Variants in CRTC3 observed in about 807,000 individuals in gnomAD.
CRTC3 encodes the protein CREB regulated transcription coactivator 3.
In CRTC3, 26 loss-of-function variants were observed where a neutral mutation model predicts 74.5. That is an observed-to-expected ratio of 0.35 (90% CI 0.26 to 0.48). The LOEUF (loss-of-function observed/expected upper bound fraction) is 0.48. CRTC3 is among the 20% of genes least tolerant of loss of function. The pLI, the probability that CRTC3 is intolerant of heterozygous loss-of-function variation, is 0.99. For missense variants in CRTC3, 760 were observed against 787.3 expected (o/e 0.97, Z 0.41); for synonymous variants, 377 against 325.8 (o/e 1.16, Z -1.69).
intron 11 of CRTC3, among the ~76,000 whole-genome samples, chr15:90,631,347 T>G (rs1341645469): frequency 6.6e-6 from 1 of 152,172 alleles, no homozygotes; most frequent in Non-Finnish European, 1.5e-5. Flanking sequence ...CAAGTGATCC[T>G]CCTGCCTCAG....
chr15:90,609,834 G>A (rs1486942717), intron 6 of CRTC3, among the ~76,000 whole-genome samples: 2 of 152,192 alleles, frequency 1.3e-5, no homozygotes, highest in Non-Finnish European at 2.9e-5. Flanking sequence ...AAGAAATCCT[G>A]GATCAGGGTT....
chr15:90,636,711 AAAAC>A (rs572645409), intron 11 of CRTC3, among the ~76,000 whole-genome samples: 3,070 of 152,312 alleles, frequency 0.02, 116 homozygotes, highest in African/African-American at 0.07. Flanking sequence ...TTACAAGAAA[AAAAC>A]AAACAACCCC....
At chr15:90,558,145 G>A (rs553366373) in intron 2 of CRTC3, among the ~76,000 whole-genome samples, 2 of 152,172 alleles carry the variant, frequency 1.3e-5, no homozygotes, top group African/African-American at 4.8e-5. Flanking sequence ...TCCTTGCATT[G>A]TCTCACATCC....
chr15:90,604,845 G>T lies in CRTC3; in HGVS notation c.476+398G>T, dbSNP rs142824528. ...TTTGGGCCAGACTCCAGGAGTAAGA[G>T]TTCTACCTCAGCCATTTTTTTTCAA... On this transcript the variant is annotated intron_variant, in intron 5 of 14. Coordinates refer to ENST00000268184, the MANE Select transcript of CRTC3 (RefSeq NM_022769.5). Among the ~76,000 whole-genome samples the T allele has an allele frequency of 1.4e-3, 218 of 152,272 alleles. 2 individuals carry two copies. The highest frequency in any genetic ancestry group is 5.1e-3 in the African/African-American group (212 of 41,546).
intron 2 of CRTC3, among the ~76,000 whole-genome samples, chr15:90,581,547 A>G (rs1366488917): frequency 6.6e-6 from 1 of 152,194 alleles, no homozygotes; most frequent in Non-Finnish European, 1.5e-5. Flanking sequence ...GCATATATGT[A>G]GAAGTTATTG....
At chr15:90,591,296 CT>C (rs1967795075) in intron 2 of CRTC3, among the ~76,000 whole-genome samples, 2 of 151,618 alleles carry the variant, frequency 1.3e-5, no homozygotes, top group Non-Finnish European at 2.9e-5. Context: ...ATTTTTCTTT[CT>C]TTTGTAGAGA....
chr15:90,537,346 G>A (rs1363266533), intron 1 of CRTC3, among the ~76,000 whole-genome samples: 2 of 152,160 alleles, frequency 1.3e-5, no homozygotes, highest in Non-Finnish European at 2.9e-5. Context: ...CCAACCACAC[G>A]GGAGTTGCAG....
intron 9 of CRTC3, among the ~76,000 whole-genome samples, chr15:90,620,653 C>T: frequency 6.6e-6 from 1 of 151,956 alleles, no homozygotes; most frequent in East Asian, 1.9e-4. Context: ...TGAGAGAGCC[C>T]CAAGGAGGCT....
rs1284971333 is a variant in CRTC3, at chr15:90,641,202, G to A, written c.1651+3G>A. 1 of 1,597,720 alleles carries A rather than the reference G, an allele frequency of 6.3e-7. No individual in the cohort carries two copies. The highest frequency in any genetic ancestry group is 8.6e-7 in the Non-Finnish European group (1 of 1,165,590). On this transcript the variant is annotated splice_donor_region_variant and intron_variant, in intron 14 of 14. Transcript: ENST00000268184. The stretch of plus-strand genomic sequence containing the variant: ...TCTCCCGAACACCATCCTGCCAGGT[G>A]AGCGAGCTATCCCTCAGCTTCTTTA...
At position 90,643,726 on chromosome 15, in the gene CRTC3, GGA is replaced by G. The variant is rs1969531402; in HGVS notation, c.*1588_*1589del. On this transcript the variant is annotated 3_prime_UTR_variant, in exon 15 of 15. Coordinates refer to ENST00000268184, the MANE Select transcript of CRTC3 (RefSeq NM_022769.5). ...TTGAAGGGGGCAGAGCACTGCAGGG[GGA>G]GGGGGGGGTCTAGGCTGTGAGAGGA... 1 of 232,772 alleles carries G rather than the reference GGA, an allele frequency of 4.3e-6. No homozygotes were observed. Among genetic ancestry groups the G allele is most frequent in the East Asian group, 6.0e-5 (1 of 16,540 alleles). 14.4% of individuals were successfully genotyped at this position (232,772 alleles called of 1,614,324 possible). A position where few individuals can be genotyped will look rare whatever the true frequency, so the allele number is the denominator to read the frequency against.
chr15:90,552,835 C>G (rs1966863710), intron 2 of CRTC3, among the ~76,000 whole-genome samples: 1 of 152,186 alleles, frequency 6.6e-6, no homozygotes, highest in Non-Finnish European at 1.5e-5. Flanking sequence ...TAACTAAATT[C>G]TGATCATGTG....
At chr15:90,610,889 C>T (rs1453002742) in intron 6 of CRTC3, among the ~76,000 whole-genome samples, 1 of 152,182 alleles carries the variant, frequency 6.6e-6, no homozygotes, top group Non-Finnish European at 1.5e-5. Flanking sequence ...GTCTTCTCTG[C>T]ATCCAGGGCT....
chr15:90,619,981 C>T (rs1968599812), intron 9 of CRTC3, 191 bp downstream of exon 9: 1 of 580,610 alleles, frequency 1.7e-6, no homozygotes, highest in Non-Finnish European at 3.1e-6. Flanking sequence ...AATTAAATTA[C>T]ATGACTATAA....
chr15:90,587,907 C>A (rs1272477974), intron 2 of CRTC3, among the ~76,000 whole-genome samples: 1 of 151,632 alleles, frequency 6.6e-6, no homozygotes, highest in East Asian at 2.0e-4. Context: ...AGCCACTATG[C>A]CTGGCTCCCA....
chr15:90,593,397 C>G (rs958450873), intron 2 of CRTC3, among the ~76,000 whole-genome samples: 2 of 152,164 alleles, frequency 1.3e-5, no homozygotes, highest in African/African-American at 4.8e-5. Context: ...TGCATGACAA[C>G]TTTTATTATT....
chr15:90,599,970 T>C (rs1382754493), intron 3 of CRTC3, among the ~76,000 whole-genome samples: 1 of 137,242 alleles, frequency 7.3e-6, no homozygotes, highest in African/African-American at 2.5e-5. Context: ...GTTTCCTCCC[T>C]AATGGCTTTG....
chr15:90,630,075 C>T (rs1968982611), intron 11 of CRTC3, among the ~76,000 whole-genome samples: 1 of 152,168 alleles, frequency 6.6e-6, no homozygotes, highest in African/African-American at 2.4e-5. Flanking sequence ...GTTGATTACT[C>T]TTTAAGCAAA....
chr15:90,586,682 G>A (rs757494972), intron 2 of CRTC3, among the ~76,000 whole-genome samples: 20 of 152,014 alleles, frequency 1.3e-4, no homozygotes, highest in Non-Finnish European at 2.8e-4. Context: ...TTACATGGAA[G>A]GATGTATTTG....
chr15:90,635,920 T>C (rs1200983701), intron 11 of CRTC3, among the ~76,000 whole-genome samples: 1 of 152,056 alleles, frequency 6.6e-6, no homozygotes, highest in East Asian at 1.9e-4. Flanking sequence ...TACAAACAAA[T>C]GGAAGAACAT....
Sources: allele counts gnomAD v4.1 joint callset (sites outside exome capture counted in the v4.1 genomes callset), GRCh38; gene constraint gnomAD v4.1.1; transcripts MANE v1.5; gene names NCBI Gene and HGNC (gene_info 2026-07-23, HGNC 2026-07-21).